Variants in PAH observed in about 807,000 individuals in gnomAD.
PAH encodes the protein phenylalanine hydroxylase, also known as phenylalanine-4-hydroxylase.
PAH carries 64 observed loss-of-function variants against 62.0 expected under a neutral mutation model. The ratio of observed to expected loss-of-function variants is 1.03; its 90% CI spans 0.84 to 1.27. The LOEUF is 1.27. PAH is among the 50% of genes most tolerant of loss of function. The pLI, the probability that PAH is intolerant of heterozygous loss-of-function variation, is 0.00. For missense variants in PAH, 579 were observed against 542.8 expected, an observed-to-expected ratio of 1.07 and a Z score of -0.66; for synonymous variants, 195 against 196.2, an observed-to-expected ratio of 0.99 and a Z score of 0.05.
At chr12:102,894,204 C>T (rs1270513185) in intron 3 of PAH, among the ~76,000 whole-genome samples, 2 of 152,038 alleles carry the variant, frequency 1.3e-5, no homozygotes, top group African/African-American at 4.8e-5. Context: ...ACTAGGAATT[C>T]CTTTCTTCAT....
chr12:102,882,509 A>G (rs544215211), intron 3 of PAH, among the ~76,000 whole-genome samples: 57 of 152,098 alleles, frequency 3.7e-4, no homozygotes, highest in African/African-American at 1.3e-3. Flanking sequence ...TGCGTGATTT[A>G]TGGAAAACAA....
At chr12:102,918,221 T>C (rs1297658814), upstream of PAH, among the ~76,000 whole-genome samples, 2 of 152,166 alleles carry the variant, frequency 1.3e-5, no homozygotes, top group Non-Finnish European at 2.9e-5. Context: ...TAGAGAAGAC[T>C]GAGGGTGAGG....
chr12:102,913,710 T>C lies in PAH; in HGVS notation c.61-812A>G, dbSNP rs1444553704. On this transcript the variant is annotated intron_variant, in intron 1 of 12. Coordinates refer to ENST00000553106, the MANE Select transcript of PAH (RefSeq NM_000277.3). ...AGACATCCAATTGTTGAAAAAGAGT[T>C]ACAAAATCCATGAAAGTACACAAAT... 4 of 671,128 alleles carry C rather than the reference T, an allele frequency of 6.0e-6. 1 individual carries two copies. The highest frequency in any genetic ancestry group is 1.1e-5 in the Non-Finnish European group (4 of 368,922). The allele number at this position is 671,128 out of a possible 1,614,324, so 41.6% of individuals were successfully genotyped here. A position where few individuals can be genotyped will look rare whatever the true frequency, so the allele number is the denominator to read the frequency against.
chr12:102,847,529 C>G (rs534006379), intron 8 of PAH, among the ~76,000 whole-genome samples: 2 of 152,198 alleles, frequency 1.3e-5, no homozygotes, highest in African/African-American at 4.8e-5. Flanking sequence ...TATATTAATT[C>G]ACTCTCAAAA....
At chr12:102,935,969 T>G (rs183842676) in intron 1 of PAH, among the ~76,000 whole-genome samples, 1 of 151,988 alleles carries the variant, frequency 6.6e-6, no homozygotes, top group South Asian at 2.1e-4. Context: ...TTAAGATGCA[T>G]TGATAGCTTG....
intron 1 of PAH, among the ~76,000 whole-genome samples, chr12:102,930,767 T>TA (rs577481466): frequency 6.2e-4 from 95 of 152,332 alleles, no homozygotes; most frequent in African/African-American, 2.2e-3. Context: ...TACTTGATAA[T>TA]AAAGCAAAAA....
intron 1 of PAH, among the ~76,000 whole-genome samples, chr12:102,931,864 T>G (rs1878888947): frequency 6.6e-6 from 1 of 152,190 alleles, no homozygotes; most frequent in Non-Finnish European, 1.5e-5. Context: ...TAAACGTTGA[T>G]GCAGTAATAT....
chr12:102,843,250 A>G (rs1874666858), intron 11 of PAH, among the ~76,000 whole-genome samples: 1 of 152,162 alleles, frequency 6.6e-6, no homozygotes, highest in African/African-American at 2.4e-5. Context: ...AGAAAGACAT[A>G]TAGAGATTAA....
intron 1 of PAH, among the ~76,000 whole-genome samples, chr12:102,923,230 G>A (rs936248501): frequency 1.3e-5 from 2 of 152,176 alleles, no homozygotes; most frequent in African/African-American, 4.8e-5. Context: ...GGATGATAAT[G>A]CCTGCGTGAA....
At chr12:102,952,178 G>T (rs1376300609), upstream of PAH, among the ~76,000 whole-genome samples, 1 of 152,168 alleles carries the variant, frequency 6.6e-6, no homozygotes, top group African/African-American at 2.4e-5. Flanking sequence ...CGATTGTGAA[G>T]GGGGGAGAGC....
intron 3 of PAH, among the ~76,000 whole-genome samples, chr12:102,879,786 G>T (rs1371766502): frequency 3.3e-5 from 5 of 152,134 alleles, no homozygotes; most frequent in Non-Finnish European, 5.9e-5. Context: ...TCATGGGAAG[G>T]TGGCAGAGCA....
chr12:102,921,436 G>A (rs1878549042), upstream of PAH, among the ~76,000 whole-genome samples: 1 of 152,134 alleles, frequency 6.6e-6, no homozygotes, highest in Non-Finnish European at 1.5e-5. Context: ...GCCCTTCTCA[G>A]TCACTGAACA....
chr12:102,917,422 C>T (rs1878431509), upstream of PAH: 1 of 450,824 alleles, frequency 2.2e-6, no homozygotes, highest in Non-Finnish European at 4.1e-6. Context: ...CTTCGCTGCC[C>T]GCCCTGGGTA....
At chr12:102,916,254 A>G (rs1283956897) in intron 1 of PAH, among the ~76,000 whole-genome samples, 2 of 152,024 alleles carry the variant, frequency 1.3e-5, no homozygotes, top group East Asian at 3.9e-4. Context: ...CCTGTTTTCT[A>G]CTGAGAACTC....
At chr12:102,945,989 C>G (rs1055454059) in intron 1 of PAH, 3 of 152,246 alleles carry the variant, frequency 2.0e-5, no homozygotes, top group African/African-American at 7.2e-5. Flanking sequence ...CTTTCCATGA[C>G]TGGGTCCTTC....
chr12:102,880,672 G>A lies in PAH; in HGVS notation c.353-3122C>T, dbSNP rs572038143. 3.3e-5 allele frequency among the ~76,000 whole-genome samples: 5 copies of A among 152,104 alleles called. No homozygotes were observed. The East Asian group carries it at 5.8e-4, about 18-fold the overall frequency. ...CAAATATGTACTGAGCACCTCCTGC[G>A]TACCAAGCACAAAGCATTGTGGGGT... is the stretch of plus-strand genomic sequence containing the variant. On this transcript the variant is annotated intron_variant, in intron 3 of 12. Transcript: ENST00000553106.
intron 3 of PAH, among the ~76,000 whole-genome samples, chr12:102,893,298 G>T (rs1038468382): frequency 6.6e-5 from 10 of 152,130 alleles, no homozygotes; most frequent in Admixed American, 2.6e-4. Flanking sequence ...TACTCAAGAG[G>T]TTGAGGCAGG....
At chr12:102,878,618 AAAG>A (rs1876678730) in intron 3 of PAH, among the ~76,000 whole-genome samples, 3 of 152,076 alleles carry the variant, frequency 2.0e-5, no homozygotes, top group African/African-American at 4.8e-5. Context: ...ATAAAGAGAA[AAAG>A]AAGGAGGGAA....
intron 5 of PAH, 33 bp downstream of exon 5, chr12:102,866,563 C>A: frequency 6.3e-7 from 1 of 1,576,682 alleles, no homozygotes; most frequent in South Asian, 1.1e-5. Flanking sequence ...GTGTGTTTTT[C>A]TCTCTTCCCC....
Sources: gnomAD v4.1 joint callset for allele counts (sites outside exome capture counted in the v4.1 genomes callset) on GRCh38, gnomAD v4.1.1 for gene constraint, MANE v1.5 for transcripts, NCBI Gene and HGNC (gene_info 2026-07-23, HGNC 2026-07-21) for gene names.